The following TBCA variants were observed in gnomAD, a reference collection of about 807,000 sequenced individuals.
The protein encoded by TBCA is tubulin folding cofactor A.
In TBCA, 6 loss-of-function variants were observed where a neutral mutation model predicts 15.8. The ratio of observed to expected loss-of-function variants is 0.38; its 90% confidence interval spans 0.21 to 0.75. TBCA has a LOEUF of 0.75. Among genes scored for constraint, TBCA ranks in the 30% least tolerant of loss-of-function variants. The pLI, the probability that TBCA is intolerant of heterozygous loss-of-function variation, is 0.46. For missense variants in TBCA, 90 were observed against 131.2 expected (o/e 0.69, Z 1.53); for synonymous variants, 32 against 42.3 (o/e 0.76, Z 0.94).
intron 1 of TBCA, among the ~76,000 whole-genome samples, chr5:77,715,560 G>A (rs1315343034): frequency 6.6e-6 from 1 of 151,566 alleles, no homozygotes; most frequent in Non-Finnish European, 1.5e-5. Flanking sequence ...TCATCCCCCT[G>A]ACACACACAC....
chr5:77,711,347 C>G (rs562868761), intron 1 of TBCA, among the ~76,000 whole-genome samples: 2 of 152,242 alleles, frequency 1.3e-5, no homozygotes, highest in African/African-American at 4.8e-5. Flanking sequence ...AAAAGGGTTG[C>G]TGACCCCTGA....
At chr5:77,733,539 A>G (rs1268047745) in intron 1 of TBCA, among the ~76,000 whole-genome samples, 1 of 152,244 alleles carries the variant, frequency 6.6e-6, no homozygotes, top group Non-Finnish European at 1.5e-5. Context: ...CCTTAACCAA[A>G]GCTGAATCCA....
At chr5:77,748,193 G>A (rs1351011416) in intron 1 of TBCA, among the ~76,000 whole-genome samples, 2 of 152,084 alleles carry the variant, frequency 1.3e-5, no homozygotes, top group Non-Finnish European at 2.9e-5. Context: ...TAAAATCTAA[G>A]ACTTAAAAAA....
At chr5:77,728,761 G>A (rs1018084259) in intron 1 of TBCA, among the ~76,000 whole-genome samples, 6 of 151,946 alleles carry the variant, frequency 3.9e-5, no homozygotes, top group Non-Finnish European at 8.8e-5. Context: ...TAAAGACTAC[G>A]TCAGGTTGGA....
chr5:77,720,802 C>T (rs1746513930), intron 1 of TBCA, among the ~76,000 whole-genome samples: 1 of 152,124 alleles, frequency 6.6e-6, no homozygotes. Flanking sequence ...AGTGGTTCTC[C>T]TTGGATGAAC....
At chr5:77,738,850 TGGGATTACAGGC>T (rs2112477702) in intron 1 of TBCA, among the ~76,000 whole-genome samples, 2 of 152,302 alleles carry the variant, frequency 1.3e-5, no homozygotes, top group South Asian at 4.1e-4. Context: ...CTCAAAGTGC[TGGGATTACAGGC>T]GTGAGCCACT....
intron 1 of TBCA, among the ~76,000 whole-genome samples, chr5:77,754,837 G>A (rs1747436182): frequency 6.6e-6 from 1 of 152,134 alleles, no homozygotes; most frequent in Non-Finnish European, 1.5e-5. Context: ...CAATTCTTAA[G>A]ACATTTCTAA....
intron 1 of TBCA, among the ~76,000 whole-genome samples, chr5:77,769,719 T>C (rs1747863920): frequency 6.6e-6 from 1 of 152,120 alleles, no homozygotes; most frequent in Non-Finnish European, 1.5e-5. Context: ...GATGTAAAAT[T>C]CTATAATCAA....
chr5:77,749,647 T>G (rs1747271510), intron 1 of TBCA, among the ~76,000 whole-genome samples: 1 of 152,198 alleles, frequency 6.6e-6, no homozygotes, highest in South Asian at 2.1e-4. Context: ...TAAGGCCAAT[T>G]TGCCAATATC....
At chr5:77,757,366 A>C (rs1747499429) in intron 1 of TBCA, among the ~76,000 whole-genome samples, 1 of 152,170 alleles carries the variant, frequency 6.6e-6, no homozygotes. Flanking sequence ...GGCAGGAAAA[A>C]AACTCAAGCT....
chr5:77,749,285 T>A (rs1747260150), intron 1 of TBCA, among the ~76,000 whole-genome samples: 1 of 152,230 alleles, frequency 6.6e-6, no homozygotes, highest in Admixed American at 6.5e-5. Context: ...GCTACAAAAT[T>A]ATTACAGTAG....
intron 1 of TBCA, among the ~76,000 whole-genome samples, chr5:77,762,730 T>TC (rs1476634194): frequency 6.6e-6 from 1 of 152,040 alleles, no homozygotes; most frequent in Non-Finnish European, 1.5e-5. Flanking sequence ...TCTATAGGCC[T>TC]CCCCTCACTC....
At chr5:77,720,408 T>A (rs527502660) in intron 1 of TBCA, among the ~76,000 whole-genome samples, 1 of 152,050 alleles carries the variant, frequency 6.6e-6, no homozygotes, top group Non-Finnish European at 1.5e-5. Context: ...AATGCAGTTA[T>A]TACACTTCTA....
At chr5:77,722,919 ATCTC>A (rs1377290373) in intron 1 of TBCA, among the ~76,000 whole-genome samples, 2 of 151,834 alleles carry the variant, frequency 1.3e-5, no homozygotes, top group Admixed American at 6.6e-5. Context: ...ACTAGCATAT[ATCTC>A]TCTATGATAG....
intron 1 of TBCA, among the ~76,000 whole-genome samples, chr5:77,738,406 T>C (rs1031159734): frequency 6.6e-6 from 1 of 152,178 alleles, no homozygotes; most frequent in African/African-American, 2.4e-5. Context: ...AGTTTCCCCA[T>C]GTAAAATAGG....
intron 1 of TBCA, among the ~76,000 whole-genome samples, chr5:77,746,060 T>C (rs1039308752): frequency 1.3e-5 from 2 of 152,130 alleles, no homozygotes; most frequent in African/African-American, 4.8e-5. Flanking sequence ...GAGTAAACAG[T>C]TTTTCATCCC....
intron 1 of TBCA, among the ~76,000 whole-genome samples, chr5:77,721,329 G>A (rs535227373): frequency 5.4e-4 from 82 of 152,270 alleles, no homozygotes; most frequent in African/African-American, 1.9e-3. Context: ...ACTTTGATAT[G>A]TAATGTGTTT....
intron 1 of TBCA, among the ~76,000 whole-genome samples, chr5:77,731,437 T>C (rs1295395429): frequency 6.6e-6 from 1 of 152,198 alleles, no homozygotes; most frequent in Non-Finnish European, 1.5e-5. Flanking sequence ...GAAAATTAAA[T>C]TGTCTAATAC....
At chr5:77,711,329 C>G (rs745312627) in intron 1 of TBCA, among the ~76,000 whole-genome samples, 27 of 152,044 alleles carry the variant, frequency 1.8e-4, no homozygotes, top group Non-Finnish European at 2.8e-4. Flanking sequence ...ATATCTGGTC[C>G]TTTACAAAAA....
Sources: allele counts gnomAD v4.1 joint callset (sites outside exome capture counted in the v4.1 genomes callset), GRCh38; gene constraint gnomAD v4.1.1; transcripts MANE v1.5; gene names NCBI Gene and HGNC (gene_info 2026-07-23, HGNC 2026-07-21).